The following SLIT1 variants were observed in gnomAD, a reference collection of about 807,000 sequenced individuals.
SLIT1 encodes the protein slit homolog 1 protein.
In SLIT1, 66 loss-of-function variants were observed where a neutral mutation model predicts 186.1. The observed-to-expected ratio is 0.35, with a 90% CI of 0.29 to 0.44. The LOEUF (loss-of-function observed/expected upper bound fraction) is 0.44, where lower values mean the gene tolerates loss of function less well. SLIT1 is among the 20% of genes least tolerant of loss of function. The pLI is 1.00. For synonymous variants in SLIT1, 761 were observed against 833.8 expected, an observed-to-expected ratio of 0.91 and a Z score of 1.50; for missense variants, 1,638 against 2,037.4, an observed-to-expected ratio of 0.80 and a Z score of 3.77.
At chr10:97,042,392 G>A (rs551596079) in intron 20 of SLIT1, among the ~76,000 whole-genome samples, 3 of 152,216 alleles carry the variant, frequency 2.0e-5, no homozygotes, top group East Asian at 1.9e-4. Context: ...GCTTGGTGCT[G>A]TGGCGAAAAA....
chr10:97,042,225 A>G (rs958835814), intron 20 of SLIT1, among the ~76,000 whole-genome samples: 4 of 152,036 alleles, frequency 2.6e-5, no homozygotes, highest in Non-Finnish European at 4.4e-5. Context: ...AAAGGGAGAG[A>G]CCAGGGAGAA....
intron 4 of SLIT1, among the ~76,000 whole-genome samples, chr10:97,087,080 T>G (rs1253890306): frequency 7.1e-6 from 1 of 140,064 alleles, no homozygotes; most frequent in East Asian, 2.1e-4. Context: ...CTCTAAAAAA[T>G]AAGGTCTATT....
chr10:97,134,643 C>T (rs1849684901), intron 4 of SLIT1, among the ~76,000 whole-genome samples: 1 of 152,316 alleles, frequency 6.6e-6, no homozygotes, highest in South Asian at 2.1e-4. Context: ...TCTCCCTCAG[C>T]AGGCATCCCT....
rs117031823 is a variant in SLIT1, at chr10:97,061,017, A to C, written c.794-230T>G. Among the ~76,000 whole-genome samples, 98 of 152,348 alleles carry C rather than the reference A, an allele frequency of 6.4e-4. 1 individual carries two copies. The East Asian group carries it at 0.018, about 28-fold the overall frequency. Reference sequence around the variant, plus strand: ...TTTGCTGAACTTGAATCTGAACTGAACTGCACTGGTGTGTGATTCATACAC... The same window carrying C: ...TTTGCTGAACTTGAATCTGAACTGACCTGCACTGGTGTGTGATTCATACAC... On this transcript the variant is annotated intron_variant, in intron 8 of 36. Coordinates refer to ENST00000266058, the MANE Select transcript of SLIT1 (RefSeq NM_003061.3).
Position 97,002,709 on chromosome 10 carries a change from G to A in SLIT1, c.4149C>T (p.Gly1383=), listed in dbSNP as rs1030932232. The A allele has an allele frequency of 1.3e-6, 2 of 1,571,460 alleles. No homozygotes were observed. The highest frequency in any genetic ancestry group is 1.8e-4 in the Middle Eastern group (1 of 5,486). The change falls in exon 35 of 37, where the codon GGC becomes GGT. Residue 1383 remains glycine, a synonymous_variant. Transcript: ENST00000266058. ...CDQPADGPCH[G]HKCVHGQCVP... The stretch of plus-strand genomic sequence containing the variant: ...CCCCAGTGCCCCAGGCTCACTTGTG[G>A]CCATGGCAGGGGCCGTCAGCGGGCT...
rs1271772787 is a variant in SLIT1 at position 97,004,402 on chromosome 10, C to T, written c.3711-180G>A. Among the ~76,000 whole-genome samples the T allele has an allele frequency of 6.6e-6, 1 of 152,188 alleles. No individual in the cohort carries two copies. The highest frequency in any genetic ancestry group is 1.5e-5 in the Non-Finnish European group (1 of 68,022). ...CCTTTCACTCCCCTTCTTTGACTCC[C>T]TGGGGAAGGCTGAGAGGTTTGAGGC... On this transcript the variant is annotated intron_variant, in intron 33 of 36. Transcript: ENST00000266058. The surrounding 1 kb of genome is among the most constrained non-coding windows in gnomAD (Gnocchi z 5.1).
chr10:97,111,240 A>G (rs932876425), intron 4 of SLIT1, among the ~76,000 whole-genome samples: 1 of 152,142 alleles, frequency 6.6e-6, no homozygotes, highest in African/African-American at 2.4e-5. Flanking sequence ...TAATATAGGT[A>G]AGGACATCTG....
At chr10:97,051,499 T>C (rs901367712) in intron 13 of SLIT1, among the ~76,000 whole-genome samples, 3 of 151,672 alleles carry the variant, frequency 2.0e-5, no homozygotes, top group African/African-American at 7.3e-5. Flanking sequence ...GAATCTACCA[T>C]ATGAACCAGA....
rs1035932486 is a variant in SLIT1 at position 96,998,961 on chromosome 10, G to C, written c.*2151C>G. ...CAAGCCTGGGAATTGGCTTCTCCAG[G>C]GTGGTGGGGAATGGTGGTGGCCAGG... On this transcript the variant is annotated 3_prime_UTR_variant, in exon 37 of 37. Transcript: ENST00000266058. 3 of 152,348 alleles carry C rather than the reference G, an allele frequency of 2.0e-5. No individual in the cohort carries two copies. Among genetic ancestry groups the C allele is most frequent in the African/African-American group, 7.2e-5 (3 of 41,452 alleles). 9.4% of individuals were successfully genotyped at this position (152,348 alleles called of 1,614,324 possible).
In SLIT1 at chr10:97,001,271, G is replaced by A. The variant is rs1464686962; in HGVS notation, c.4446C>T (p.Pro1482=). Residue 1482 remains proline, a synonymous_variant, in exon 37 of 37, where the codon CCC becomes CCT. Transcript: ENST00000266058. The part of the protein sequence containing the change: ...RGYAICQTTR[P]LSWVECRGSC... The stretch of plus-strand genomic sequence containing the variant: ...AGCCCCGGCACTCCACCCATGACAG[G>A]GGGCGCGTGGTCTGGCAGATGGCAT... The A allele has an allele frequency of 6.2e-7, 1 of 1,613,264 alleles. No homozygotes were observed. Among genetic ancestry groups the A allele is most frequent in the Non-Finnish European group, 8.5e-7 (1 of 1,180,014 alleles).
At chr10:97,003,985 A>T in intron 34 of SLIT1, 83 bp downstream of exon 34, 1 of 1,261,736 alleles carries the variant, frequency 7.9e-7, no homozygotes, top group Non-Finnish European at 1.1e-6. Context: ...GGCATTTCCC[A>T]CAGTGCAGTC....
intron 4 of SLIT1, among the ~76,000 whole-genome samples, chr10:97,100,306 G>C (rs546832331): frequency 6.6e-6 from 1 of 152,310 alleles, no homozygotes; most frequent in Admixed American, 6.5e-5. Context: ...CAGCCAGCAA[G>C]AGATGCATTG....
At chr10:97,094,418 C>G (rs769804035) in intron 4 of SLIT1, among the ~76,000 whole-genome samples, 2 of 152,220 alleles carry the variant, frequency 1.3e-5, no homozygotes, top group Non-Finnish European at 2.9e-5. Context: ...CACAGTGACC[C>G]TGCATAGCTG....
chr10:97,014,261 A>T, intron 28 of SLIT1, 103 bp from the exon 29 acceptor site: 1 of 1,376,750 alleles, frequency 7.3e-7, no homozygotes, highest in South Asian at 1.3e-5. Flanking sequence ...AGGGTCCCTA[A>T]TCCCGGCCAG....
At chr10:97,146,568 A>ACC (rs1375594901) in intron 4 of SLIT1, among the ~76,000 whole-genome samples, 33 of 150,028 alleles carry the variant, frequency 2.2e-4, no homozygotes, top group South Asian at 4.3e-4. Context: ...AGCCCCCCCC[A>ACC]CTGAACACCT....
chr10:97,072,831 A>T (rs1333984467), intron 4 of SLIT1, among the ~76,000 whole-genome samples: 1 of 152,154 alleles, frequency 6.6e-6, no homozygotes, highest in African/African-American at 2.4e-5. Context: ...GGACCTCGAG[A>T]AGTTCTGCAC....
intron 1 of SLIT1, among the ~76,000 whole-genome samples, chr10:97,179,810 C>T (rs1564696541): frequency 1.3e-5 from 2 of 151,132 alleles, no homozygotes; most frequent in Non-Finnish European, 3.0e-5. Flanking sequence ...TCCCCGCCCC[C>T]CGGCACAGCC....
At chr10:97,020,994 C>T (rs1168628309) in intron 26 of SLIT1, among the ~76,000 whole-genome samples, 1 of 152,258 alleles carries the variant, frequency 6.6e-6, no homozygotes, top group Non-Finnish European at 1.5e-5. Flanking sequence ...AGAAACACTG[C>T]TGCTATTTTT....
intron 4 of SLIT1, among the ~76,000 whole-genome samples, chr10:97,148,108 T>C (rs1372400164): frequency 6.6e-6 from 1 of 152,212 alleles, no homozygotes; most frequent in East Asian, 1.9e-4. Context: ...CAACTAGCTA[T>C]GCAACCAATT....
Sources: gnomAD v4.1 joint callset for allele counts (sites outside exome capture counted in the v4.1 genomes callset) on GRCh38, gnomAD v4.1.1 for gene constraint, Gnocchi (gnomAD v3.1) non-coding constraint, MANE v1.5 for transcripts, NCBI Gene and HGNC (gene_info 2026-07-23, HGNC 2026-07-21) for gene names.